MAMSTR: variants seen among roughly 807,000 people sequenced by gnomAD.
MAMSTR encodes MEF2-activating motif and SAP domain-containing transcriptional regulator.
In MAMSTR, 41 loss-of-function variants were observed where a neutral mutation model predicts 42.7. The ratio of observed to expected loss-of-function variants is 0.96; its 90% CI spans 0.75 to 1.25. The LOEUF (loss-of-function observed/expected upper bound fraction) is 1.25. Among genes scored for constraint, MAMSTR ranks in the 50% most tolerant of loss-of-function variants. The probability of loss-of-function intolerance (pLI) is 0.00; values close to 1 mark genes in which losing one functional copy is unlikely to be tolerated. For missense variants in MAMSTR, 567 were observed against 557.6 expected (o/e 1.02, Z -0.17); for synonymous variants, 265 against 244.1 (o/e 1.09, Z -0.80).
intron 2 of MAMSTR, among the ~76,000 whole-genome samples, chr19:48,718,121 G>A (rs993445083): frequency 6.6e-6 from 1 of 152,228 alleles, no homozygotes; most frequent in African/African-American, 2.4e-5. Context: ...GGGATTACAG[G>A]TAAGAGCCAC....
Position 48,714,364 on chromosome 19 carries a change from A to G in MAMSTR, c.723+2T>C. 1 of 1,360,196 alleles carries G rather than the reference A, an allele frequency of 7.4e-7. No homozygotes were observed. Among genetic ancestry groups the G allele is most frequent in the East Asian group, 3.0e-5 (1 of 32,942 alleles). The allele number at this position is 1,360,196 out of a possible 1,614,324, so 84.3% of individuals were successfully genotyped here. ...TCCGCAAGCTCATAGCCCCGCCCTCACCGAGCCCTGACGCCGGGCGGCTGC... is the reference window on the plus strand; with the variant it reads ...TCCGCAAGCTCATAGCCCCGCCCTCGCCGAGCCCTGACGCCGGGCGGCTGC... On this transcript the variant is annotated splice_donor_variant, in intron 7 of 9. Transcript: ENST00000318083. LOFTEE classifies it high-confidence loss of function.
intron 3 of MAMSTR, among the ~76,000 whole-genome samples, 166 bp downstream of exon 3, chr19:48,716,539 C>G (rs1385457850): frequency 2.6e-5 from 4 of 152,118 alleles, no homozygotes; most frequent in Non-Finnish European, 4.4e-5. Context: ...GGCCAGAGAC[C>G]TGGACCCTGG....
rs1182894862 is a variant in MAMSTR at position 48,719,372 on chromosome 19, C to T, written c.-22+307G>A. Among the ~76,000 whole-genome samples, 3 of 151,846 alleles carry T rather than the reference C, an allele frequency of 2.0e-5. No homozygotes were observed. The highest frequency in any genetic ancestry group is 1.9e-4 in the East Asian group (1 of 5,168). On this transcript the variant is annotated intron_variant, in intron 1 of 9. Coordinates refer to ENST00000318083, the MANE Select transcript of MAMSTR (RefSeq NM_001130915.2). This position sits in a 1 kb window ranked among gnomAD's most constrained non-coding sequence, Gnocchi z 4.4. ...CCTGGGTCCTGAGGAGGAAGGGTTGCGGGTTGGGACCCCTGTGTCTAGGAA... is the reference window on the plus strand; with the variant it reads ...CCTGGGTCCTGAGGAGGAAGGGTTGTGGGTTGGGACCCCTGTGTCTAGGAA...
chr19:48,715,945 G>C (rs984447571), intron 3 of MAMSTR, 178 bp from the exon 4 acceptor site: 9 of 1,400,830 alleles, frequency 6.4e-6, no homozygotes, highest in Non-Finnish European at 8.3e-6. Context: ...GGGGGGCTCC[G>C]GTTGCTACAT....
At chr19:48,718,754 C>T (rs2033145312) in intron 2 of MAMSTR, among the ~76,000 whole-genome samples, 2 of 152,108 alleles carry the variant, frequency 1.3e-5, no homozygotes, top group African/African-American at 2.4e-5. Flanking sequence ...CTACCCCTGG[C>T]CTCCAATCCC....
chr19:48,715,794 A>T (rs562210406), intron 3 of MAMSTR, 27 bp from the exon 4 acceptor site: 4 of 1,522,572 alleles, frequency 2.6e-6, no homozygotes, highest in Non-Finnish European at 3.5e-6. Context: ...GGACCCTGAG[A>T]GGCCTGCAGG....
downstream of MAMSTR, among the ~76,000 whole-genome samples, chr19:48,711,936 CA>C (rs1222765978): frequency 1.6e-3 from 96 of 60,484 alleles, no homozygotes; most frequent in African/African-American, 3.0e-3. Context: ...TTAGTAGAGA[CA>C]GGGTTTCACC....
downstream of MAMSTR, among the ~76,000 whole-genome samples, chr19:48,707,812 G>A (rs1373636414): frequency 8.2e-6 from 1 of 121,396 alleles, no homozygotes; most frequent in African/African-American, 3.2e-5. Context: ...AGGAAGGAAA[G>A]AAAGAAAGAA....
rs377178039 is a variant in MAMSTR, at chr19:48,716,885, C to T, written c.59-142G>A. The T allele has an allele frequency of 8.2e-4, 1,000 of 1,221,566 alleles. 8 individuals are homozygous for T. In the African/African-American group the frequency reaches 0.014, roughly 18 times the overall value. 75.7% of individuals were successfully genotyped at this position (1,221,566 alleles called of 1,614,324 possible). ...TACACAGCCTGTGCAGGCGGGTGGG[C>T]GGGCAGCAGGCTCCCTTCCTCGGGC... On this transcript the variant is annotated intron_variant, in intron 2 of 9. Transcript: ENST00000318083.
downstream of MAMSTR, among the ~76,000 whole-genome samples, chr19:48,710,414 C>CTT (rs551847729): frequency 5.8e-5 from 6 of 103,754 alleles, no homozygotes; most frequent in South Asian, 3.3e-4. Context: ...TGGGCCCAAT[C>CTT]TTTTTTTTTT....
rs772096251 is a variant in MAMSTR, at chr19:48,713,959, C to CGGAGTG, written c.804_809dup (p.Thr269_Pro270dup). 14 of 1,613,284 alleles carry CGGAGTG rather than the reference C, an allele frequency of 8.7e-6. No homozygotes were observed. The highest frequency in any genetic ancestry group is 1.3e-5 in the African/African-American group (1 of 74,934). ...TCAGGGCTGGAGCTGCAGCAGGAGC[C>CGGAGTG]GGAGTGGGAGTTGGAGCCGGAGCCG... On this transcript the variant is annotated inframe_insertion, in exon 8 of 10. Coordinates refer to ENST00000318083, the MANE Select transcript of MAMSTR (RefSeq NM_001130915.2).
At chr19:48,706,988 C>T in the MAMSTR span, among the ~76,000 whole-genome samples, 3 of 152,160 alleles carry the variant, frequency 2.0e-5, no homozygotes, top group South Asian at 2.1e-4. Context: ...ACCAGCTACT[C>T]GGAAGGCTGA....
At chr19:48,707,876 AAAGAAAGAAAGAAAAG>A (rs2032672707), downstream of MAMSTR, among the ~76,000 whole-genome samples, 1 of 114,096 alleles carries the variant, frequency 8.8e-6, no homozygotes, top group Non-Finnish European at 1.9e-5. Context: ...AGAAAGAAAG[AAAGAAAGAAAGAAAAG>A]AAAGAAAGAA....
At chr19:48,710,027 G>A (rs584768), downstream of MAMSTR, among the ~76,000 whole-genome samples, 67,380 of 151,476 alleles carry the variant, frequency 0.44, 15,897 homozygotes, top group Middle Eastern at 0.59. Flanking sequence ...CCACCACTGC[G>A]CCTGGCTAAT....
chr19:48,708,846 G>C (rs748370684), downstream of MAMSTR, among the ~76,000 whole-genome samples: 5 of 152,152 alleles, frequency 3.3e-5, no homozygotes, highest in Non-Finnish European at 4.4e-5. Flanking sequence ...TAAAGGGCAG[G>C]AGGGAGTTGG....
Position 48,713,680 on chromosome 19 carries a change from C to T in MAMSTR, c.964+36G>A, listed in dbSNP as rs771514094. 6.8e-6 allele frequency: 11 copies of T among 1,613,056 alleles called. No individual in the cohort carries two copies. The African/African-American group carries it at 1.1e-4, about 16-fold the overall frequency. ...GGACGCAGGAGTCCAGAACCTCAGC[C>T]CCCACCTCCCCTAAATCTAGCAGTT... On this transcript the variant is annotated intron_variant, in intron 9 of 9. Coordinates refer to ENST00000318083, the MANE Select transcript of MAMSTR (RefSeq NM_001130915.2).
chr19:48,719,077 G>C lies in MAMSTR; in HGVS notation c.-21-25C>G. The C allele has an allele frequency of 6.5e-7, 1 of 1,529,988 alleles. No individual in the cohort carries two copies. The highest frequency in any genetic ancestry group is 8.9e-7 in the Non-Finnish European group (1 of 1,129,428). 94.8% of individuals were successfully genotyped at this position (1,529,988 alleles called of 1,614,324 possible). A position where few individuals can be genotyped will look rare whatever the true frequency, so the allele number is the denominator to read the frequency against. On this transcript the variant is annotated intron_variant, in intron 1 of 9. Coordinates refer to ENST00000318083, the MANE Select transcript of MAMSTR (RefSeq NM_001130915.2). The surrounding 1 kb of genome is among the most constrained non-coding windows in gnomAD (Gnocchi z 4.4). ...CCTGGACGGAGAGGGGGCAGGGCAG[G>C]GGCCCCATAGAGGGCTGGCTCAGAG...
At position 48,713,774 on chromosome 19, in the gene MAMSTR, C is replaced by A; in HGVS notation, c.910-4G>T. The A allele has an allele frequency of 1.9e-6, 3 of 1,614,216 alleles. No homozygotes were observed. The highest frequency in any genetic ancestry group is 2.5e-6 in the Non-Finnish European group (3 of 1,180,030). On this transcript the variant is annotated splice_polypyrimidine_tract_variant and splice_region_variant and intron_variant, in intron 8 of 9. Transcript: ENST00000318083. ...CGATGCCCCGGTTAGGAAGCAACTG[C>A]GGATGGAGAAATTTGGCGTGAACTC...
At position 48,713,964 on chromosome 19, in the gene MAMSTR, T is replaced by C; in HGVS notation, c.805A>G (p.Thr269Ala). 6.2e-7 allele frequency: 1 copy of C among 1,612,950 alleles called. No individual in the cohort carries two copies. The highest frequency in any genetic ancestry group is 8.5e-7 in the Non-Finnish European group (1 of 1,179,666). The change falls in exon 8 of 10, where the codon ACT (threonine) becomes GCT (alanine). Residue 269 changes from threonine (T) to alanine (A), a missense_variant. Thr to Ala is a moderately conservative substitution (Grantham distance 58). Transcript: ENST00000318083. ...TPGTAPAPTP[T>A]PAPAAAPALT... The stretch of plus-strand genomic sequence containing the variant: ...GCTGGAGCTGCAGCAGGAGCCGGAG[T>C]GGGAGTTGGAGCCGGAGCCGTCCCC...
Sources: gnomAD v4.1 joint callset for allele counts (sites outside exome capture counted in the v4.1 genomes callset) on GRCh38, gnomAD v4.1.1 for gene constraint, Gnocchi (gnomAD v3.1) non-coding constraint, MANE v1.5 for transcripts, NCBI Gene and HGNC (gene_info 2026-07-23, HGNC 2026-07-21) for gene names.